RBFOX1: variants seen among roughly 807,000 people sequenced by gnomAD.
The protein encoded by RBFOX1 is RNA binding fox-1 homolog 1, also known as RNA binding protein fox-1 homolog 1.
A neutral mutation model predicts 57.7 loss-of-function variants in RBFOX1; 8 were observed. That is an observed-to-expected ratio of 0.14 (90% CI 0.08 to 0.25). The LOEUF is 0.25. Ranked by LOEUF, RBFOX1 falls within the 10% of genes least tolerant of loss-of-function variation. RBFOX1 has a pLI of 1.00. For synonymous variants in RBFOX1, 326 were observed against 222.4 expected, an observed-to-expected ratio of 1.47 and a Z score of -4.15; for missense variants, 611 against 548.5, an observed-to-expected ratio of 1.11 and a Z score of -1.14.
chr16:5,622,189 A>G (rs926880461), intron 3 of RBFOX1, among the ~76,000 whole-genome samples: 2 of 152,338 alleles, frequency 1.3e-5, no homozygotes, highest in East Asian at 1.9e-4. Flanking sequence ...TGTACCTGCT[A>G]GGCTCTAGTT....
chr16:6,205,589 A>G (rs1376395767), intron 1 of RBFOX1, among the ~76,000 whole-genome samples: 1 of 152,096 alleles, frequency 6.6e-6, no homozygotes, highest in East Asian at 1.9e-4. Flanking sequence ...CACCAGGTAC[A>G]TTTGGTGTAC....
intron 4 of RBFOX1, among the ~76,000 whole-genome samples, chr16:7,447,779 T>C (rs2098820174): frequency 6.6e-6 from 1 of 152,246 alleles, no homozygotes; most frequent in Non-Finnish European, 1.5e-5. Context: ...AATGCATTTG[T>C]TGAAGGTTAT....
chr16:7,473,680 AAGAG>A (rs534949783), intron 4 of RBFOX1, among the ~76,000 whole-genome samples: 120 of 152,146 alleles, frequency 7.9e-4, no homozygotes, highest in Admixed American at 3.4e-3. Flanking sequence ...TTAAAAAAGA[AAGAG>A]AGAGAATGTG....
At chr16:6,592,538 G>C (rs1459698892) in intron 2 of RBFOX1, among the ~76,000 whole-genome samples, 3 of 152,214 alleles carry the variant, frequency 2.0e-5, no homozygotes, top group African/African-American at 4.8e-5. Context: ...AATAAGGTGA[G>C]AGACTTTGGA....
intron 4 of RBFOX1, among the ~76,000 whole-genome samples, chr16:5,869,881 A>C (rs2057426742): frequency 6.6e-6 from 1 of 152,158 alleles, no homozygotes. Flanking sequence ...AATTCCCATA[A>C]AGGATTTATT....
At chr16:6,623,645 C>T (rs1232167059) in intron 2 of RBFOX1, among the ~76,000 whole-genome samples, 4 of 151,790 alleles carry the variant, frequency 2.6e-5, no homozygotes, top group African/African-American at 9.7e-5. Flanking sequence ...CTTCCTGTGT[C>T]CATGTGTTCT....
chr16:5,817,235 T>C (rs1421715584), intron 3 of RBFOX1, among the ~76,000 whole-genome samples: 1 of 152,180 alleles, frequency 6.6e-6, no homozygotes, highest in Non-Finnish European at 1.5e-5. Context: ...CAGCCATGTT[T>C]CTATTACGGT....
At chr16:6,360,673 T>C (rs1187501635) in intron 2 of RBFOX1, among the ~76,000 whole-genome samples, 2 of 152,242 alleles carry the variant, frequency 1.3e-5, no homozygotes, top group Non-Finnish European at 2.9e-5. Flanking sequence ...TTCAGAATTA[T>C]CTGAAATAAT....
At chr16:5,428,340 T>C (rs538417464) in intron 1 of RBFOX1, among the ~76,000 whole-genome samples, 1 of 152,198 alleles carries the variant, frequency 6.6e-6, no homozygotes, top group Admixed American at 6.5e-5. Flanking sequence ...TGGTTACACA[T>C]GTAGAGTTGG....
At chr16:6,078,930 C>T (rs2095954633) in intron 1 of RBFOX1, among the ~76,000 whole-genome samples, 1 of 152,148 alleles carries the variant, frequency 6.6e-6, no homozygotes, top group African/African-American at 2.4e-5. Context: ...GTCACAGCAT[C>T]CCAGTTCATG....
At chr16:5,856,529 A>G (rs1369124309) in intron 3 of RBFOX1, among the ~76,000 whole-genome samples, 13 of 55,580 alleles carry the variant, frequency 2.3e-4, no homozygotes, top group South Asian at 1.6e-3. Flanking sequence ...TCTCATTCAT[A>G]TATGTGTATG....
intron 3 of RBFOX1, among the ~76,000 whole-genome samples, chr16:6,797,192 C>T (rs923489486): frequency 8.5e-5 from 13 of 152,150 alleles, no homozygotes; most frequent in African/African-American, 3.1e-4. Context: ...CAGTCTGAGT[C>T]GCCTATGTTT....
chr16:6,461,695 A>AT (rs767181016), intron 2 of RBFOX1, among the ~76,000 whole-genome samples: 208 of 152,182 alleles, frequency 1.4e-3, no homozygotes, highest in Middle Eastern at 3.4e-3. Flanking sequence ...TTAATGGAAG[A>AT]TTATTTTTTT....
At chr16:6,607,895 G>A (rs1283607423) in intron 2 of RBFOX1, among the ~76,000 whole-genome samples, 1 of 152,084 alleles carries the variant, frequency 6.6e-6, no homozygotes, top group Non-Finnish European at 1.5e-5. Flanking sequence ...AAACCTCCTT[G>A]TTTCTGGAGT....
At chr16:6,382,475 G>A (rs1277300748) in intron 2 of RBFOX1, among the ~76,000 whole-genome samples, 1 of 152,226 alleles carries the variant, frequency 6.6e-6, no homozygotes, top group East Asian at 1.9e-4. Flanking sequence ...CTAATGCATA[G>A]TGTGACCTGG....
intron 2 of RBFOX1, among the ~76,000 whole-genome samples, chr16:6,388,641 G>A (rs1226476834): frequency 6.6e-6 from 1 of 152,198 alleles, no homozygotes; most frequent in Admixed American, 6.5e-5. Flanking sequence ...TTGGTAGGCT[G>A]AGGTGGGAGA....
At chr16:7,205,453 G>T (rs1448288601) in intron 4 of RBFOX1, among the ~76,000 whole-genome samples, 11 of 151,350 alleles carry the variant, frequency 7.3e-5, no homozygotes, top group Admixed American at 4.6e-4. Context: ...AGGAGGTGGA[G>T]GTTGAAGTGA....
intron 4 of RBFOX1, among the ~76,000 whole-genome samples, chr16:7,445,231 T>G (rs1567201664): frequency 6.6e-6 from 1 of 151,966 alleles, no homozygotes; most frequent in East Asian, 1.9e-4. Flanking sequence ...TGAGTATGAG[T>G]AAAATGAACA....
At position 6,614,097 on chromosome 16, in the gene RBFOX1, C is replaced by T. The variant is rs756323558; in HGVS notation, c.-63-40506C>T. ...GCTTTATTGTTTGTAGATTTTATAA[C>T]GAATAGGTAATATTTTTGGAATTCC... On this transcript the variant is annotated intron_variant, in intron 2 of 15. Coordinates refer to ENST00000550418, the MANE Select transcript of RBFOX1 (RefSeq NM_018723.4). Among the ~76,000 whole-genome samples the T allele has an allele frequency of 5.3e-5, 8 of 152,018 alleles. 1 individual carries two copies. The highest frequency in any genetic ancestry group is 4.2e-4 in the South Asian group (2 of 4,812).
Sources: allele counts gnomAD v4.1 joint callset (sites outside exome capture counted in the v4.1 genomes callset), GRCh38; gene constraint gnomAD v4.1.1; transcripts MANE v1.5; gene names NCBI Gene and HGNC (gene_info 2026-07-23, HGNC 2026-07-21).